Variants in FDX1 observed in about 807,000 individuals in gnomAD.
The protein encoded by FDX1 is ferredoxin 1, also known as adrenodoxin, mitochondrial.
A neutral mutation model predicts 14.9 loss-of-function variants in FDX1; 9 were observed. The observed-to-expected ratio is 0.60, with a 90% confidence interval of 0.36 to 1.05. The LOEUF (loss-of-function observed/expected upper bound fraction) is 1.05, where lower values mean the gene tolerates loss of function less well. Among genes scored for constraint, FDX1 ranks in the 50% least tolerant of loss-of-function variants. The pLI is 0.01. For missense variants in FDX1, 204 were observed against 237.2 expected (o/e 0.86, Z 0.92); for synonymous variants, 92 against 99.4 (o/e 0.93, Z 0.44).
At chr11:110,450,233 A>G (rs1452219012) in intron 2 of FDX1, among the ~76,000 whole-genome samples, 8 of 152,072 alleles carry the variant, frequency 5.3e-5, no homozygotes, top group Non-Finnish European at 1.2e-4. Context: ...ACTCATCATA[A>G]GGTAGAATCA....
chr11:110,450,589 A>G (rs1161538013), intron 2 of FDX1, among the ~76,000 whole-genome samples: 1 of 152,236 alleles, frequency 6.6e-6, no homozygotes, highest in Non-Finnish European at 1.5e-5. Context: ...CATAGTAATG[A>G]AAAGAATTTT....
At chr11:110,458,519 GA>G (rs1326517254) in intron 3 of FDX1, among the ~76,000 whole-genome samples, 1 of 151,908 alleles carries the variant, frequency 6.6e-6, no homozygotes, top group Non-Finnish European at 1.5e-5. Context: ...GAAAGTTTCA[GA>G]AAAAGAAATA....
In FDX1 at chr11:110,464,213, A is replaced by AT. The variant is rs2134697540; in HGVS notation, c.*1746dup. ...CAGATGTGAGCCACCGTGCTTGGCCATAACTATTGAATGCTTTCTATGTGG... is the reference window on the plus strand; with the variant it reads ...CAGATGTGAGCCACCGTGCTTGGCCATTAACTATTGAATGCTTTCTATGTGG... On this transcript the variant is annotated 3_prime_UTR_variant, in exon 4 of 4. Transcript: ENST00000260270. The AT allele has an allele frequency of 6.6e-6, 1 of 152,326 alleles. No homozygotes were observed. Among genetic ancestry groups the AT allele is most frequent in the East Asian group, 1.9e-4 (1 of 5,178 alleles). 9.4% of individuals were successfully genotyped at this position (152,326 alleles called of 1,614,324 possible).
At chr11:110,443,113 A>G (rs1172923155) in intron 2 of FDX1, among the ~76,000 whole-genome samples, 1 of 152,166 alleles carries the variant, frequency 6.6e-6, no homozygotes, top group Non-Finnish European at 1.5e-5. Context: ...TTTTTCCTGT[A>G]TAAATTACCC....
intron 2 of FDX1, 107 bp from the exon 3 acceptor site, chr11:110,456,811 A>C: frequency 8.1e-7 from 1 of 1,238,240 alleles, no homozygotes; most frequent in Non-Finnish European, 1.1e-6. Context: ...GCCCGGCCTC[A>C]CTTATGTATT....
chr11:110,454,037 T>C (rs1438347496), intron 2 of FDX1, among the ~76,000 whole-genome samples: 1 of 152,234 alleles, frequency 6.6e-6, no homozygotes, highest in Non-Finnish European at 1.5e-5. Context: ...TGAGGGATCA[T>C]GAATGTGATG....
chr11:110,440,505 G>A (rs556739805), intron 2 of FDX1, among the ~76,000 whole-genome samples: 1 of 152,274 alleles, frequency 6.6e-6, no homozygotes, highest in South Asian at 2.1e-4. Context: ...GCCATATGGT[G>A]GAGCCACTTT....
At position 110,453,606 on chromosome 11, in the gene FDX1, A is replaced by G. The variant is rs1295264368; in HGVS notation, c.311-3312A>G. 4.0e-5 allele frequency among the ~76,000 whole-genome samples: 6 copies of G among 149,256 alleles called. No individual in the cohort carries two copies. In the South Asian group the frequency reaches 1.3e-3, roughly 31 times the overall value. ...CCCTTTTTGGTTAGGTGTCTCCAAT[A>G]TTCTCTAAAATTCTTTAATTTTTAA... On this transcript the variant is annotated intron_variant, in intron 2 of 3. Transcript: ENST00000260270.
intron 2 of FDX1, among the ~76,000 whole-genome samples, chr11:110,444,295 C>T (rs1327490328): frequency 6.6e-6 from 1 of 152,022 alleles, no homozygotes; most frequent in African/African-American, 2.4e-5. Context: ...ATCCCAGCAC[C>T]ATTATTGAAT....
intron 1 of FDX1, among the ~76,000 whole-genome samples, chr11:110,435,014 A>G (rs1209848571): frequency 1.3e-5 from 2 of 150,380 alleles, no homozygotes; most frequent in African/African-American, 4.9e-5. Context: ...TCGGCCTCCC[A>G]AAGTGCTAGG....
rs763862894 is a variant in FDX1, at chr11:110,457,040, A to G, written c.433A>G (p.Thr145Ala). The change falls in exon 3 of 4, where the codon ACA (threonine) becomes GCA (alanine). Residue 145 changes from threonine to alanine, a missense_variant. Transcript: ENST00000260270. The stretch of plus-strand genomic sequence containing the variant: ...CATGCTCGATCTGGCATATGGACTA[A>G]CAGACAGGTAAGATTTTTGGACTGC... The part of the protein sequence containing the change: ...NDMLDLAYGL[T>A]DRSRLGCQIC... 1 of 1,610,052 alleles carries G rather than the reference A, an allele frequency of 6.2e-7. No individual in the cohort carries two copies. Among genetic ancestry groups the G allele is most frequent in the South Asian group, 1.1e-5 (1 of 90,520 alleles).
intron 2 of FDX1, among the ~76,000 whole-genome samples, chr11:110,450,931 G>A (rs921508941): frequency 3.9e-5 from 6 of 152,044 alleles, no homozygotes; most frequent in African/African-American, 1.4e-4. Context: ...TTACTCTGGG[G>A]CTGTGTATAT....
Position 110,430,155 on chromosome 11 carries a change from C to T in FDX1, c.35C>T (p.Ala12Val). 8 of 1,242,926 alleles carry T rather than the reference C, an allele frequency of 6.4e-6. No homozygotes were observed. The highest frequency in any genetic ancestry group is 7.0e-6 in the Non-Finnish European group (7 of 996,788). 77.0% of individuals were successfully genotyped at this position (1,242,926 alleles called of 1,614,324 possible). ...AAAGGARLLR[A>V]ASAVLGGPAG... ...GCTGGGGGCGCCCGGCTGCTGCGCG[C>T]CGCTTCTGCTGTCCTCGGCGGCCCG... Residue 12 changes from alanine (A) to valine (V), a missense_variant, in exon 1 of 4, where the codon GCC (alanine) becomes GTC (valine). Transcript: ENST00000260270.
intron 2 of FDX1, among the ~76,000 whole-genome samples, chr11:110,442,130 A>G (rs185789734): frequency 6.0e-4 from 92 of 152,352 alleles, no homozygotes; most frequent in African/African-American, 2.0e-3. Context: ...CAGAGGATGT[A>G]TGGAAATGCC....
chr11:110,445,739 C>G (rs1016268688), intron 2 of FDX1, among the ~76,000 whole-genome samples: 7 of 152,138 alleles, frequency 4.6e-5, no homozygotes, highest in African/African-American at 1.7e-4. Flanking sequence ...CTACTCATAA[C>G]TCATCTTTTC....
chr11:110,456,509 CTTTT>C (rs11463993), intron 2 of FDX1, among the ~76,000 whole-genome samples: 7 of 83,804 alleles, frequency 8.4e-5, no homozygotes, highest in Non-Finnish European at 1.3e-4. Flanking sequence ...TTTATGTATT[CTTTT>C]TTTTTTTTTT....
At chr11:110,461,514 A>G (rs1202151708) in intron 3 of FDX1, among the ~76,000 whole-genome samples, 1 of 150,916 alleles carries the variant, frequency 6.6e-6, no homozygotes, top group Non-Finnish European at 1.5e-5. Context: ...AAAAAAAAAA[A>G]AAGAAGGAAA....
chr11:110,429,965 G>T lies in FDX1; in HGVS notation c.-156G>T. 2.4e-6 allele frequency: 1 copy of T among 416,112 alleles called. No homozygotes were observed. Among genetic ancestry groups the T allele is most frequent in the Non-Finnish European group, 3.9e-6 (1 of 255,640 alleles). 25.8% of individuals were successfully genotyped at this position (416,112 alleles called of 1,614,324 possible). ...CGGAAGGCACGCGGAACCTCGGCGC[G>T]GTGCTTCCAGCAGGGTCTCTCCGCC... On this transcript the variant is annotated 5_prime_UTR_variant, in exon 1 of 4. Coordinates refer to ENST00000260270, the MANE Select transcript of FDX1 (RefSeq NM_004109.5).
At chr11:110,447,175 TG>T (rs150362842) in intron 2 of FDX1, among the ~76,000 whole-genome samples, 53,794 of 119,546 alleles carry the variant, frequency 0.45, 12,110 homozygotes, top group East Asian at 0.63. Flanking sequence ...GACTCCATCT[TG>T]GAAAAAAAAA....
Sources: gnomAD v4.1 joint callset for allele counts (sites outside exome capture counted in the v4.1 genomes callset) on GRCh38, gnomAD v4.1.1 for gene constraint, MANE v1.5 for transcripts, NCBI Gene and HGNC (gene_info 2026-07-23, HGNC 2026-07-21) for gene names.